The following FAT3 variants were observed in gnomAD, a reference collection of about 807,000 sequenced individuals.
FAT3 encodes protocadherin Fat 3.
In FAT3, 95 loss-of-function variants were observed where a neutral mutation model predicts 310.2. The ratio of observed to expected loss-of-function variants is 0.31; its 90% CI spans 0.26 to 0.36. FAT3 has a LOEUF of 0.36. Ranked by LOEUF, FAT3 falls within the 10% of genes least tolerant of loss-of-function variation. FAT3 has a pLI of 1.00. For missense variants in FAT3, 5,408 were observed against 5,715.6 expected (o/e 0.95, Z 1.74); for synonymous variants, 2,314 against 2,192.9 (o/e 1.06, Z -1.54).
chr11:92,523,235 C>G (rs1240622119), intron 2 of FAT3, among the ~76,000 whole-genome samples: 1 of 152,142 alleles, frequency 6.6e-6, no homozygotes, highest in Non-Finnish European at 1.5e-5. Context: ...CCTCTAATGA[C>G]AGATTGGCAT....
intron 2 of FAT3, among the ~76,000 whole-genome samples, chr11:92,469,335 T>G (rs1307116117): frequency 1.3e-5 from 2 of 152,124 alleles, no homozygotes; most frequent in Non-Finnish European, 2.9e-5. Flanking sequence ...TTCAAGAATT[T>G]TGGGGGCTGA....
At chr11:92,703,270 T>C (rs1339288995) in intron 4 of FAT3, among the ~76,000 whole-genome samples, 1 of 152,246 alleles carries the variant, frequency 6.6e-6, no homozygotes, top group Non-Finnish European at 1.5e-5. Flanking sequence ...CTTCTTCCTT[T>C]GGTAAAGCAT....
intron 3 of FAT3, among the ~76,000 whole-genome samples, chr11:92,549,073 G>GA (rs1954714402): frequency 6.6e-6 from 1 of 152,136 alleles, no homozygotes; most frequent in South Asian, 2.1e-4. Flanking sequence ...ATATAAGCCT[G>GA]AAAACACCTT....
chr11:92,745,664 A>C (rs1409887880), intron 4 of FAT3, among the ~76,000 whole-genome samples: 1 of 152,152 alleles, frequency 6.6e-6, no homozygotes, highest in Non-Finnish European at 1.5e-5. Flanking sequence ...GATTTGGACA[A>C]AGCTGTAATA....
At chr11:92,461,235 G>A (rs926150598) in intron 2 of FAT3, among the ~76,000 whole-genome samples, 8 of 152,068 alleles carry the variant, frequency 5.3e-5, no homozygotes, top group Non-Finnish European at 1.0e-4. Context: ...GTGGATGAGA[G>A]GAGAGAGATA....
intron 1 of FAT3, among the ~76,000 whole-genome samples, chr11:92,261,997 T>C (rs1318554863): frequency 3.3e-5 from 5 of 152,078 alleles, no homozygotes; most frequent in African/African-American, 9.7e-5. Flanking sequence ...CTCTTTTTTT[T>C]TTAAATTCTG....
chr11:92,478,086 A>T (rs1952096371), intron 2 of FAT3, among the ~76,000 whole-genome samples: 1 of 152,248 alleles, frequency 6.6e-6, no homozygotes, highest in Non-Finnish European at 1.5e-5. Context: ...AGCTAGCTAT[A>T]GGTTAAACAC....
At chr11:92,259,502 A>G (rs1292681224) in intron 1 of FAT3, among the ~76,000 whole-genome samples, 1 of 152,128 alleles carries the variant, frequency 6.6e-6, no homozygotes, top group Non-Finnish European at 1.5e-5. Flanking sequence ...TTTCCAAAAA[A>G]AAGACATGAA....
Position 92,353,486 on chromosome 11 carries a change from C to T in FAT3, c.1374C>T (p.Val458=). 1.2e-6 allele frequency: 2 copies of T among 1,613,360 alleles called. No individual in the cohort carries two copies. The highest frequency in any genetic ancestry group is 1.7e-6 in the Non-Finnish European group (2 of 1,179,682). Residue 458 remains valine (V), a synonymous_variant, in exon 2 of 28, where the codon GTC becomes GTT. Coordinates refer to ENST00000525166, the MANE Select transcript of FAT3 (RefSeq NM_001367949.2). ...AGGAAGGAGATTTAAAAGCACAGGT[C>T]ACCATCAGCATAGAAGATGCAAATG... ...TNKEGDLKAQ[V]TISIEDANDH...
chr11:92,557,750 T>A (rs1343698380), intron 3 of FAT3, among the ~76,000 whole-genome samples: 1 of 152,120 alleles, frequency 6.6e-6, no homozygotes, highest in Non-Finnish European at 1.5e-5. Context: ...TGTCCTGATG[T>A]GGAAGGGAGG....
intron 2 of FAT3, among the ~76,000 whole-genome samples, chr11:92,393,224 G>A (rs1169984512): frequency 2.6e-5 from 4 of 152,234 alleles, no homozygotes; most frequent in South Asian, 2.1e-4. Flanking sequence ...ACATGCACAT[G>A]TGTACCTGTG....
At chr11:92,445,082 A>G (rs1951178511) in intron 2 of FAT3, among the ~76,000 whole-genome samples, 1 of 152,192 alleles carries the variant, frequency 6.6e-6, no homozygotes, top group South Asian at 2.1e-4. Flanking sequence ...AAGAGAAGCC[A>G]CAGAAGAAAC....
chr11:92,231,721 A>T (rs1295440904), intron 1 of FAT3, among the ~76,000 whole-genome samples: 2 of 152,182 alleles, frequency 1.3e-5, no homozygotes, highest in Middle Eastern at 3.2e-3. Context: ...ACATTATTTG[A>T]TAATTGTAAA....
chr11:92,473,619 T>G (rs1016239570), intron 2 of FAT3, among the ~76,000 whole-genome samples: 2 of 152,212 alleles, frequency 1.3e-5, no homozygotes, highest in Non-Finnish European at 2.9e-5. Flanking sequence ...GAATGTTTGA[T>G]AAATCTCTCC....
At chr11:92,395,388 C>T (rs1949845523) in intron 2 of FAT3, among the ~76,000 whole-genome samples, 1 of 152,236 alleles carries the variant, frequency 6.6e-6, no homozygotes, top group East Asian at 1.9e-4. Flanking sequence ...CCTTTTTGCT[C>T]ATTAGTATTT....
At chr11:92,531,101 C>T (rs1305122284) in intron 3 of FAT3, among the ~76,000 whole-genome samples, 5 of 152,156 alleles carry the variant, frequency 3.3e-5, no homozygotes, top group Non-Finnish European at 5.9e-5. Flanking sequence ...AGGCACAAGG[C>T]AGATAATGTA....
chr11:92,427,356 T>C (rs569534536), intron 2 of FAT3, among the ~76,000 whole-genome samples: 1 of 152,272 alleles, frequency 6.6e-6, no homozygotes, highest in South Asian at 2.1e-4. Flanking sequence ...TAAATACCCT[T>C]TATTTCTTTC....
chr11:92,241,734 A>G (rs1864675681), intron 1 of FAT3, among the ~76,000 whole-genome samples: 1 of 152,038 alleles, frequency 6.6e-6, no homozygotes, highest in Admixed American at 6.6e-5. Context: ...TTTATTTATC[A>G]GTCATTAGTC....
chr11:92,700,907 T>C (rs1944079451), intron 4 of FAT3, among the ~76,000 whole-genome samples: 1 of 152,184 alleles, frequency 6.6e-6, no homozygotes, highest in African/African-American at 2.4e-5. Context: ...AACATTTCTT[T>C]TTTTTCCCTA....
Sources: gnomAD v4.1 joint callset for allele counts (sites outside exome capture counted in the v4.1 genomes callset) on GRCh38, gnomAD v4.1.1 for gene constraint, MANE v1.5 for transcripts, NCBI Gene and HGNC (gene_info 2026-07-23, HGNC 2026-07-21) for gene names.